Variants in TP53BP2 observed in about 807,000 individuals in gnomAD.
The protein encoded by TP53BP2 is tumor protein p53 binding protein 2, also known as apoptosis-stimulating of p53 protein 2.
TP53BP2 carries 62 observed loss-of-function variants against 126.2 expected under a neutral mutation model. The ratio of observed to expected loss-of-function variants is 0.49; its 90% CI spans 0.40 to 0.61. The LOEUF (loss-of-function observed/expected upper bound fraction) is 0.61, where lower values mean the gene tolerates loss of function less well. Ranked by LOEUF, TP53BP2 falls within the 20% of genes least tolerant of loss-of-function variation. The pLI is 0.00. For missense variants in TP53BP2, 1,215 were observed against 1,402.8 expected (o/e 0.87, Z 2.14); for synonymous variants, 485 against 502.9 (o/e 0.96, Z 0.48).
intron 1 of TP53BP2, among the ~76,000 whole-genome samples, chr1:223,833,502 T>C (rs970248406): frequency 2.0e-5 from 3 of 152,158 alleles, no homozygotes; most frequent in Non-Finnish European, 4.4e-5. Flanking sequence ...TATTCTGAAA[T>C]AGTCAACATT....
Position 223,814,237 on chromosome 1 carries a change from T to C in TP53BP2, c.289+3A>G. ...CTGTCACGATTCACAGAGCACTACC[T>C]ACCAATGTCCCTGCCAGGGGGGCGT... is the stretch of plus-strand genomic sequence containing the variant. On this transcript the variant is annotated splice_donor_region_variant and intron_variant, in intron 3 of 17. Coordinates refer to ENST00000343537, the MANE Select transcript of TP53BP2 (RefSeq NM_001031685.3). 1 of 1,608,806 alleles carries C rather than the reference T, an allele frequency of 6.2e-7. No homozygotes were observed. Among genetic ancestry groups the C allele is most frequent in the Non-Finnish European group, 8.5e-7 (1 of 1,175,320 alleles).
intron 1 of TP53BP2, among the ~76,000 whole-genome samples, chr1:223,842,102 G>A (rs1357126200): frequency 1.3e-5 from 2 of 151,984 alleles, no homozygotes. Context: ...ACCACGCCCA[G>A]CTAATTTTTG....
chr1:223,831,635 T>C (rs1981171), intron 1 of TP53BP2, among the ~76,000 whole-genome samples: 16,921 of 149,846 alleles, frequency 0.11, 1,218 homozygotes, highest in East Asian at 0.21. Flanking sequence ...AATTTAAAAG[T>C]ATAGTTAATA....
chr1:223,803,415 T>C lies in TP53BP2; in HGVS notation c.687A>G (p.Gln229=), dbSNP rs1662601393. 1 of 1,613,656 alleles carries C rather than the reference T, an allele frequency of 6.2e-7. No homozygotes were observed. The highest frequency in any genetic ancestry group is 8.5e-7 in the Non-Finnish European group (1 of 1,179,856). Residue 229 remains glutamine, a synonymous_variant, in exon 7 of 18, where the codon CAA becomes CAG. Coordinates refer to ENST00000343537, the MANE Select transcript of TP53BP2 (RefSeq NM_001031685.3). Reference sequence around the variant, plus strand: ...CAGCCAGGACGAGCTCCCTCTGTTTTTGCTGGAACAAATTATTCATCTGTT... The same window carrying C: ...CAGCCAGGACGAGCTCCCTCTGTTTCTGCTGGAACAAATTATTCATCTGTT... ...EIEQMNNLFQ[Q]KQRELVLAVS... is the part of the protein sequence containing the mutation.
In TP53BP2 at chr1:223,784,265, A is replaced by C. The variant is rs1661876048; in HGVS notation, c.3213T>G (p.Leu1071=). The part of the protein sequence containing the change: ...GIMNKGVIYA[L]WDYEPQNDDE... Reference sequence around the variant, plus strand: ...CATCATTCTGAGGTTCATAATCCCAAAGCGCATAAATGACTCCTTTATTCA... The same window carrying C: ...CATCATTCTGAGGTTCATAATCCCACAGCGCATAAATGACTCCTTTATTCA... The change falls in exon 17 of 18, where the codon CTT becomes CTG. Residue 1071 remains leucine, a synonymous_variant. Transcript: ENST00000343537. The C allele has an allele frequency of 6.2e-7, 1 of 1,614,092 alleles. No homozygotes were observed. The highest frequency in any genetic ancestry group is 8.5e-7 in the Non-Finnish European group (1 of 1,180,036).
chr1:223,831,107 G>A (rs1364153885), intron 1 of TP53BP2, among the ~76,000 whole-genome samples: 1 of 151,558 alleles, frequency 6.6e-6, no homozygotes, highest in Non-Finnish European at 1.5e-5. Flanking sequence ...CAAAAAGCAG[G>A]CAGGGTGGCT....
chr1:223,814,345 C>T lies in TP53BP2; in HGVS notation c.184G>A (p.Val62Ile). The change falls in exon 3 of 18, where the codon GTT becomes ATT. Residue 62 changes from valine to isoleucine, a missense_variant. Val to Ile is a conservative substitution (Grantham distance 29). Around this residue, in one of 4 missense-constraint regions of TP53BP2, gnomAD observed 814 missense variants for 853.0 expected, o/e 0.95. Coordinates refer to ENST00000343537, the MANE Select transcript of TP53BP2 (RefSeq NM_001031685.3). ...AEVWCGSERPVADNERMFDVL... is the reference protein window; with the variant it reads ...AEVWCGSERPIADNERMFDVL... ...TCAAACATTCGCTCATTATCCGCAA[C>T]TGGACGTTCTAAAGCAAATGAGTAG... The T allele has an allele frequency of 3.1e-6, 5 of 1,611,918 alleles. No homozygotes were observed. The highest frequency in any genetic ancestry group is 4.2e-6 in the Non-Finnish European group (5 of 1,178,124).
intron 13 of TP53BP2, 26 bp downstream of exon 13, chr1:223,795,789 A>C: frequency 7.1e-7 from 1 of 1,414,670 alleles, no homozygotes; most frequent in Non-Finnish European, 9.3e-7. Flanking sequence ...ACTCCGGAAA[A>C]GGCTATGAGA....
chr1:223,793,340 T>C lies in TP53BP2; in HGVS notation c.2825A>G (p.Glu942Gly). 1 of 1,611,326 alleles carries C rather than the reference T, an allele frequency of 6.2e-7. No individual in the cohort carries two copies. Among genetic ancestry groups the C allele is most frequent in the Non-Finnish European group, 8.5e-7 (1 of 1,178,864 alleles). ...PLALLLDSSLEGEFDLVQRII... is the reference protein window; with the variant it reads ...PLALLLDSSLGGEFDLVQRII... Reference sequence around the variant, plus strand: ...TCTCTGTACAAGGTCAAATTCTCCCTCCAAAGACGAATCTAGCAGTAAAGC... The same window carrying C: ...TCTCTGTACAAGGTCAAATTCTCCCCCCAAAGACGAATCTAGCAGTAAAGC... Residue 942 changes from glutamate to glycine, a missense_variant, in exon 14 of 18, where the codon GAG becomes GGG. Around this residue, in one of 4 missense-constraint regions of TP53BP2, gnomAD observed 204 missense variants for 225.7 expected, o/e 0.90. Coordinates refer to ENST00000343537, the MANE Select transcript of TP53BP2 (RefSeq NM_001031685.3).
intron 1 of TP53BP2, among the ~76,000 whole-genome samples, chr1:223,835,053 T>C (rs560082975): frequency 1.2e-4 from 19 of 152,290 alleles, no homozygotes; most frequent in African/African-American, 4.1e-4. Flanking sequence ...TACATGTTTG[T>C]TGGACTGAAC....
chr1:223,788,940 A>G (rs570567887), intron 16 of TP53BP2, 68 bp downstream of exon 16: 1 of 1,521,804 alleles, frequency 6.6e-7, no homozygotes, highest in South Asian at 1.2e-5. Flanking sequence ...TACTTATTGA[A>G]TTATACCCTG....
At chr1:223,800,603 G>T in intron 10 of TP53BP2, 97 bp downstream of exon 10, 1 of 912,246 alleles carries the variant, frequency 1.1e-6, no homozygotes, top group South Asian at 1.9e-5. Flanking sequence ...ACAAAAAAAG[G>T]AAGAAAGAAA....
chr1:223,826,810 A>G (rs2102878572), intron 1 of TP53BP2, among the ~76,000 whole-genome samples: 1 of 152,348 alleles, frequency 6.6e-6, no homozygotes, highest in East Asian at 1.9e-4. Context: ...TGAAAGTCCA[A>G]TTAAGAGGTA....
intron 1 of TP53BP2, among the ~76,000 whole-genome samples, chr1:223,836,850 C>G (rs1663939074): frequency 6.6e-6 from 1 of 152,036 alleles, no homozygotes; most frequent in Non-Finnish European, 1.5e-5. Context: ...GATGAAAGCC[C>G]AGGTCCGTGG....
rs997818811 is a variant in TP53BP2, at chr1:223,780,669, T to C, written c.*184A>G. 5 of 626,062 alleles carry C rather than the reference T, an allele frequency of 8.0e-6. No homozygotes were observed. The highest frequency in any genetic ancestry group is 1.4e-5 in the Non-Finnish European group (5 of 365,556). 38.8% of individuals were successfully genotyped at this position (626,062 alleles called of 1,614,324 possible). A position where few individuals can be genotyped will look rare whatever the true frequency, so the allele number is the denominator to read the frequency against. ...CTGCTGACGTAGATGCTTTATTTCA[T>C]CACGCTAAATGTCCTCTAATGGTGA... is the stretch of plus-strand genomic sequence containing the variant. On this transcript the variant is annotated 3_prime_UTR_variant, in exon 18 of 18. Coordinates refer to ENST00000343537, the MANE Select transcript of TP53BP2 (RefSeq NM_001031685.3).
At chr1:223,831,856 C>T (rs935404666) in intron 1 of TP53BP2, among the ~76,000 whole-genome samples, 5 of 151,202 alleles carry the variant, frequency 3.3e-5, no homozygotes, top group African/African-American at 1.2e-4. Flanking sequence ...TGAAGATGTG[C>T]CCTTCCAAAA....
rs199762788 is a variant in TP53BP2 at position 223,800,719 on chromosome 1, A to C, written c.1317T>G (p.Thr439=). Residue 439 remains threonine, a synonymous_variant, in exon 10 of 18, where the codon ACT becomes ACG. Coordinates refer to ENST00000343537, the MANE Select transcript of TP53BP2 (RefSeq NM_001031685.3). The part of the protein sequence containing the change: ...SQGSASVPQS[T]GNALDQVDDG... ...TCTCACCTTGATCCAGAGCATTCCC[A>C]GTGCTTTGAGGTACAGAAGCAGAGC... The C allele has an allele frequency of 1.7e-5, 28 of 1,602,104 alleles. No individual in the cohort carries two copies. Among genetic ancestry groups the C allele is most frequent in the Non-Finnish European group, 3.4e-6 (4 of 1,176,930 alleles).
At chr1:223,788,909 A>G in intron 16 of TP53BP2, 99 bp downstream of exon 16, 1 of 1,319,302 alleles carries the variant, frequency 7.6e-7, no homozygotes, top group Non-Finnish European at 1.1e-6. Flanking sequence ...TGGATAACAC[A>G]AGATTTTTTC....
chr1:223,837,933 C>T (rs996036163), intron 1 of TP53BP2, among the ~76,000 whole-genome samples: 2 of 151,838 alleles, frequency 1.3e-5, no homozygotes, highest in Admixed American at 1.3e-4. Context: ...GCCCCCGCCG[C>T]CCCTCTCCCC....
Sources: allele counts gnomAD v4.1 joint callset (sites outside exome capture counted in the v4.1 genomes callset), GRCh38; gene constraint gnomAD v4.1.1; regional missense constraint gnomAD v4.1.1; transcripts MANE v1.5; gene names NCBI Gene and HGNC (gene_info 2026-07-23, HGNC 2026-07-21).